TNNI3K: variants seen among roughly 807,000 people sequenced by gnomAD.
The protein encoded by TNNI3K is TNNI3 interacting kinase, also known as serine/threonine-protein kinase TNNI3K.
TNNI3K carries 140 observed loss-of-function variants against 114.5 expected under a neutral mutation model. That is an observed-to-expected ratio of 1.22 (90% CI 1.07 to 1.41). TNNI3K has a LOEUF of 1.41. TNNI3K is among the 40% of genes most tolerant of loss of function. The pLI is 0.00. For missense variants in TNNI3K, 1,125 were observed against 1,007.6 expected (o/e 1.12, Z -1.58); for synonymous variants, 347 against 347.5 (o/e 1.00, Z 0.02).
intron 17 of TNNI3K, among the ~76,000 whole-genome samples, chr1:74,383,149 G>C (rs1254551219): frequency 6.6e-6 from 1 of 151,612 alleles, no homozygotes; most frequent in African/African-American, 2.4e-5. Context: ...GGGTGGCCTT[G>C]CAGGCAGACA....
intron 17 of TNNI3K, among the ~76,000 whole-genome samples, chr1:74,424,011 A>G (rs902418378): frequency 1.3e-5 from 2 of 152,108 alleles, no homozygotes; most frequent in African/African-American, 2.4e-5. Context: ...TGATTTGTCA[A>G]GTGGAGATAA....
At chr1:74,481,075 G>A in intron 21 of TNNI3K, 1 of 591,530 alleles carries the variant, frequency 1.7e-6, no homozygotes. Context: ...TTATCACCTG[G>A]GTAAAAACAA....
intron 23 of TNNI3K, among the ~76,000 whole-genome samples, chr1:74,513,639 C>T (rs574302230): frequency 6.6e-6 from 1 of 152,322 alleles, no homozygotes; most frequent in African/African-American, 2.4e-5. Flanking sequence ...CATCTTGTCA[C>T]TTGCGTAACT....
intron 5 of TNNI3K, among the ~76,000 whole-genome samples, chr1:74,323,009 A>G (rs1203205355): frequency 1.3e-5 from 2 of 152,184 alleles, no homozygotes; most frequent in African/African-American, 2.4e-5. Flanking sequence ...GCATCTCTAT[A>G]TGGAAAAATT....
At chr1:74,366,752 G>T (rs1384459136) in intron 11 of TNNI3K, 1 of 151,992 alleles carries the variant, frequency 6.6e-6, no homozygotes, top group African/African-American at 2.4e-5. Flanking sequence ...ACAAATATTG[G>T]CAGGCAGCCA....
chr1:74,260,321 T>C (rs549897856), intron 4 of TNNI3K, among the ~76,000 whole-genome samples: 1 of 152,310 alleles, frequency 6.6e-6, no homozygotes, highest in African/African-American at 2.4e-5. Flanking sequence ...AAATACTTGT[T>C]TGGAAATTAG....
Position 74,250,742 on chromosome 1 carries a change from T to C in TNNI3K, c.306T>C (p.Phe102=). Residue 102 remains phenylalanine, a synonymous_variant, in exon 4 of 25, where the codon TTT becomes TTC. Transcript: ENST00000326637. ...CATCTCGACTGACAAGAAATGGATT[T>C]ACAGCCTTGCATTTAGCAGTTTACA... is the stretch of plus-strand genomic sequence containing the variant. The part of the protein sequence containing the change: ...LRPSRLTRNG[F]TALHLAVYKD... 6.2e-7 allele frequency: 1 copy of C among 1,612,996 alleles called. No individual in the cohort carries two copies. The highest frequency in any genetic ancestry group is 8.5e-7 in the Non-Finnish European group (1 of 1,179,560).
intron 17 of TNNI3K, among the ~76,000 whole-genome samples, chr1:74,431,783 C>G (rs761844248): frequency 2.0e-5 from 3 of 152,114 alleles, no homozygotes; most frequent in Non-Finnish European, 4.4e-5. Context: ...TGGGCACGCT[C>G]TTGAACTAAG....
In TNNI3K at chr1:74,295,081, T is replaced by A. The variant is rs757297792; in HGVS notation, c.444+23373T>A. Among the ~76,000 whole-genome samples the A allele has an allele frequency of 1.1e-3, 166 of 152,100 alleles. 2 individuals are homozygous for A. Among genetic ancestry groups the A allele is most frequent in the South Asian group, 4.1e-4 (2 of 4,832 alleles). ...GAATTTTTATATATTTACACACTCA[T>A]TCACTTCAAATATTTTCAGATTTCC... On this transcript the variant is annotated intron_variant, in intron 5 of 24. Coordinates refer to ENST00000326637, the MANE Select transcript of TNNI3K (RefSeq NM_015978.3).
chr1:74,261,509 T>C (rs1173234878), intron 4 of TNNI3K, among the ~76,000 whole-genome samples: 1 of 152,146 alleles, frequency 6.6e-6, no homozygotes, highest in Non-Finnish European at 1.5e-5. Flanking sequence ...ACAAGATTCC[T>C]GTCACATTTA....
intron 19 of TNNI3K, among the ~76,000 whole-genome samples, chr1:74,438,461 T>C (rs1421250080): frequency 7.9e-5 from 12 of 152,078 alleles, no homozygotes; most frequent in African/African-American, 2.7e-4. Flanking sequence ...TTTCCTTCAA[T>C]GGACATTTAA....
At chr1:74,451,625 TC>T (rs201812038) in intron 20 of TNNI3K, among the ~76,000 whole-genome samples, 3,386 of 148,286 alleles carry the variant, frequency 0.023, 173 homozygotes, top group African/African-American at 0.083. Context: ...CTTCCTTCCT[TC>T]CTTTTCTTTT....
intron 10 of TNNI3K, among the ~76,000 whole-genome samples, 180 bp from the exon 11 acceptor site, chr1:74,353,800 G>A (rs114350545): frequency 1.3e-3 from 193 of 152,236 alleles, no homozygotes; most frequent in African/African-American, 4.4e-3. Context: ...TATAATACCC[G>A]TTTTGCTTAA....
At chr1:74,356,896 T>C (rs1661688265) in intron 11 of TNNI3K, among the ~76,000 whole-genome samples, 1 of 152,190 alleles carries the variant, frequency 6.6e-6, no homozygotes, top group Non-Finnish European at 1.5e-5. Flanking sequence ...ATTATTACTA[T>C]GAATTTTAAC....
chr1:74,286,999 G>A (rs1300131491), intron 5 of TNNI3K, among the ~76,000 whole-genome samples: 1 of 151,812 alleles, frequency 6.6e-6, no homozygotes. Context: ...CAAAGAGGTA[G>A]AAACCATAAA....
intron 12 of TNNI3K, among the ~76,000 whole-genome samples, chr1:74,367,567 A>T (rs557235603): frequency 4.9e-4 from 75 of 152,020 alleles, no homozygotes; most frequent in Admixed American, 6.6e-5. Flanking sequence ...TCCAAGTTTA[A>T]CATTTCCCAG....
intron 11 of TNNI3K, among the ~76,000 whole-genome samples, chr1:74,366,903 A>T (rs182658241): frequency 6.6e-6 from 1 of 152,046 alleles, no homozygotes; most frequent in African/African-American, 2.4e-5. Context: ...TAGTGCCCTT[A>T]TTATATATTC....
chr1:74,521,583 G>A (rs1646433929), intron 23 of TNNI3K, among the ~76,000 whole-genome samples: 2 of 150,074 alleles, frequency 1.3e-5, no homozygotes, highest in South Asian at 4.2e-4. Context: ...TTTCCATAAA[G>A]CCTTTTTCTG....
intron 5 of TNNI3K, among the ~76,000 whole-genome samples, chr1:74,276,148 T>G (rs1331600976): frequency 1.3e-5 from 2 of 152,154 alleles, no homozygotes; most frequent in African/African-American, 4.8e-5. Context: ...TCCACACATG[T>G]TGATTTTCTG....
Sources: allele counts gnomAD v4.1 joint callset (sites outside exome capture counted in the v4.1 genomes callset), GRCh38; gene constraint gnomAD v4.1.1; transcripts MANE v1.5; gene names NCBI Gene and HGNC (gene_info 2026-07-23, HGNC 2026-07-21).